The following ANXA3 variants were observed in gnomAD, a reference collection of about 807,000 sequenced individuals.
The protein encoded by ANXA3 is 35-alpha calcimedin.
Under a neutral mutation model 48.8 loss-of-function variants are expected in ANXA3, and 46 were observed. That is an observed-to-expected ratio of 0.94 (90% confidence interval 0.74 to 1.21). The LOEUF (loss-of-function observed/expected upper bound fraction) is 1.21, where lower values mean the gene tolerates loss of function less well. ANXA3 is among the 50% of genes most tolerant of loss of function. ANXA3 has a pLI of 0.00. For synonymous variants in ANXA3, 128 were observed against 134.7 expected (o/e 0.95, Z 0.35); for missense variants, 383 against 378.6 (o/e 1.01, Z -0.10).
At chr4:78,594,667 G>A (rs1217462119) in intron 7 of ANXA3, among the ~76,000 whole-genome samples, 1 of 152,134 alleles carries the variant, frequency 6.6e-6, no homozygotes, top group Non-Finnish European at 1.5e-5. Flanking sequence ...TGCCATCTGT[G>A]CGTCTTCTTT....
chr4:78,585,761 A>T (rs78728705), intron 5 of ANXA3, among the ~76,000 whole-genome samples: 2 of 152,208 alleles, frequency 1.3e-5, no homozygotes, highest in East Asian at 3.8e-4. Context: ...TGACCTTGAT[A>T]TAAACAGGAC....
At chr4:78,576,289 T>A (rs1467694974) in intron 3 of ANXA3, among the ~76,000 whole-genome samples, 3 of 152,152 alleles carry the variant, frequency 2.0e-5, no homozygotes, top group African/African-American at 7.2e-5. Context: ...AGTTATTTCT[T>A]CATTTATCTC....
At chr4:78,597,847 C>A (rs1256061396) in intron 10 of ANXA3, among the ~76,000 whole-genome samples, 6 of 152,106 alleles carry the variant, frequency 3.9e-5, no homozygotes. Context: ...CTCCTGAGCT[C>A]AAGCAATCCA....
At chr4:78,569,729 C>G (rs1722806538) in intron 2 of ANXA3, among the ~76,000 whole-genome samples, 1 of 152,212 alleles carries the variant, frequency 6.6e-6, no homozygotes, top group African/African-American at 2.4e-5. Flanking sequence ...GCTGATGCAG[C>G]TGCTTCAGGA....
intron 12 of ANXA3, among the ~76,000 whole-genome samples, chr4:78,605,337 T>C (rs1024696351): frequency 5.3e-5 from 8 of 152,208 alleles, no homozygotes; most frequent in Admixed American, 1.3e-4. Flanking sequence ...AGTGTAGTTG[T>C]AATATACATT....
chr4:78,574,737 A>C (rs1164795084), intron 3 of ANXA3, among the ~76,000 whole-genome samples: 1 of 152,210 alleles, frequency 6.6e-6, no homozygotes, highest in Non-Finnish European at 1.5e-5. Context: ...TTGCATCACT[A>C]TATCAGAAGA....
chr4:78,591,451 T>C (rs1723293345), intron 6 of ANXA3, 93 bp from the exon 7 acceptor site: 1 of 817,070 alleles, frequency 1.2e-6, no homozygotes, highest in Non-Finnish European at 2.1e-6. Context: ...CACATACCCA[T>C]TCTTTGCTAG....
chr4:78,594,493 T>C (rs988907070), intron 7 of ANXA3, among the ~76,000 whole-genome samples: 4 of 152,238 alleles, frequency 2.6e-5, no homozygotes, highest in African/African-American at 9.6e-5. Context: ...CCATTTTGCT[T>C]TCATATCAGC....
chr4:78,596,803 A>T (rs912048762), intron 9 of ANXA3, among the ~76,000 whole-genome samples: 2 of 152,226 alleles, frequency 1.3e-5, no homozygotes, highest in African/African-American at 4.8e-5. Context: ...ACTTGGTGAC[A>T]TATGTACAGG....
intron 4 of ANXA3, among the ~76,000 whole-genome samples, chr4:78,581,176 C>A (rs1404263088): frequency 6.6e-6 from 1 of 152,196 alleles, no homozygotes; most frequent in Admixed American, 6.5e-5. Flanking sequence ...GCTGCACCCC[C>A]CAGGAGTGTG....
intron 12 of ANXA3, among the ~76,000 whole-genome samples, chr4:78,608,188 A>G (rs1304966926): frequency 6.6e-6 from 1 of 152,218 alleles, no homozygotes; most frequent in Non-Finnish European, 1.5e-5. Flanking sequence ...TTAAATGTAA[A>G]GGAAAGTGAC....
intron 2 of ANXA3, among the ~76,000 whole-genome samples, chr4:78,568,379 T>C (rs1164420947): frequency 6.6e-6 from 1 of 152,212 alleles, no homozygotes; most frequent in African/African-American, 2.4e-5. Context: ...ATCTTGACAT[T>C]GAACAGAGAG....
chr4:78,606,204 G>A (rs1210903676), intron 12 of ANXA3, among the ~76,000 whole-genome samples: 2 of 152,172 alleles, frequency 1.3e-5, no homozygotes, highest in African/African-American at 4.8e-5. Flanking sequence ...TGAATGTCTC[G>A]AGGAAATCAG....
Position 78,595,899 on chromosome 4 carries a change from C to T in ANXA3, c.634+12C>T. 2 of 1,486,650 alleles carry T rather than the reference C, an allele frequency of 1.3e-6. No homozygotes were observed. The highest frequency in any genetic ancestry group is 2.3e-5 in the East Asian group (1 of 44,114). The allele number at this position is 1,486,650 out of a possible 1,614,324, so 92.1% of individuals were successfully genotyped here. A position where few individuals can be genotyped will look rare whatever the true frequency, so the allele number is the denominator to read the frequency against. ...TCAATTAAAACTAAGTACAAACTCA[C>T]ATTACAATCCTTTGTGTTGTATGTT... On this transcript the variant is annotated intron_variant, in intron 9 of 12. Coordinates refer to ENST00000264908, the MANE Select transcript of ANXA3 (RefSeq NM_005139.3).
intron 1 of ANXA3, 116 bp from the exon 2 acceptor site, chr4:78,554,320 G>C: frequency 1.4e-6 from 1 of 733,024 alleles, no homozygotes; most frequent in Non-Finnish European, 2.3e-6. Flanking sequence ...TTCCTGAGAA[G>C]GTTTTTCTGT....
chr4:78,564,678 G>A (rs1233524636), intron 2 of ANXA3, among the ~76,000 whole-genome samples: 1 of 152,304 alleles, frequency 6.6e-6, no homozygotes, highest in East Asian at 1.9e-4. Context: ...AACAGTAGAA[G>A]ACCTACTCAG....
intron 5 of ANXA3, among the ~76,000 whole-genome samples, chr4:78,583,865 G>A (rs954564127): frequency 4.6e-5 from 7 of 152,156 alleles, no homozygotes; most frequent in African/African-American, 1.7e-4. Flanking sequence ...AAAGTGAATC[G>A]ATAATAAACT....
chr4:78,590,208 A>G (rs1435682917), intron 6 of ANXA3, among the ~76,000 whole-genome samples: 2 of 152,198 alleles, frequency 1.3e-5, no homozygotes, highest in Non-Finnish European at 2.9e-5. Context: ...AAAGTTTTTT[A>G]TCTAACTAGA....
intron 12 of ANXA3, among the ~76,000 whole-genome samples, chr4:78,608,307 G>A (rs1419074667): frequency 6.6e-6 from 1 of 152,160 alleles, no homozygotes; most frequent in Non-Finnish European, 1.5e-5. Flanking sequence ...AAGGCAAAAT[G>A]TATGGAGGTA....
Sources: allele counts gnomAD v4.1 joint callset (sites outside exome capture counted in the v4.1 genomes callset), GRCh38; gene constraint gnomAD v4.1.1; transcripts MANE v1.5; gene names NCBI Gene and HGNC (gene_info 2026-07-23, HGNC 2026-07-21).